LIN9: variants seen among roughly 807,000 people sequenced by gnomAD.
LIN9 encodes the protein lin-9 DREAM MuvB core complex component.
A neutral mutation model predicts 78.0 loss-of-function variants in LIN9; 18 were observed. That is an observed-to-expected ratio of 0.23 (90% CI 0.16 to 0.34). LIN9 has a LOEUF of 0.34. LIN9 is among the 10% of genes least tolerant of loss of function. The probability of loss-of-function intolerance (pLI) is 1.00; values close to 1 mark genes in which losing one functional copy is unlikely to be tolerated. For missense variants in LIN9, 451 were observed against 644.1 expected (o/e 0.70, Z 3.25); for synonymous variants, 192 against 215.2 (o/e 0.89, Z 0.94).
intron 10 of LIN9, among the ~76,000 whole-genome samples, chr1:226,263,445 A>AAG (rs1659718902): frequency 1.3e-5 from 2 of 152,182 alleles, no homozygotes; most frequent in African/African-American, 4.8e-5. Context: ...GGTCTAAAAA[A>AAG]ATAAAGTGTA....
At chr1:226,275,719 A>T (rs1339678897) in intron 7 of LIN9, among the ~76,000 whole-genome samples, 1 of 146,370 alleles carries the variant, frequency 6.8e-6, no homozygotes, top group Non-Finnish European at 1.5e-5. Context: ...AAAAGAAAAA[A>T]AGAAAAAATA....
chr1:226,306,031 G>A (rs1362307949), intron 1 of LIN9, among the ~76,000 whole-genome samples: 1 of 152,088 alleles, frequency 6.6e-6, no homozygotes, highest in Non-Finnish European at 1.5e-5. Context: ...GAAGTGAAAG[G>A]GAGGAAAGTG....
intron 12 of LIN9, among the ~76,000 whole-genome samples, chr1:226,237,022 G>C (rs1041205184): frequency 6.6e-6 from 1 of 152,178 alleles, no homozygotes; most frequent in African/African-American, 2.4e-5. Context: ...AAGTAGAATT[G>C]CTTAGTCATG....
chr1:226,298,995 T>A (rs956678110), intron 2 of LIN9, among the ~76,000 whole-genome samples: 1 of 152,142 alleles, frequency 6.6e-6, no homozygotes, highest in Admixed American at 6.6e-5. Context: ...TTCTATCGAA[T>A]AGACATATTA....
chr1:226,241,783 G>A (rs1325176093), intron 11 of LIN9, among the ~76,000 whole-genome samples: 2 of 151,992 alleles, frequency 1.3e-5, no homozygotes, highest in African/African-American at 2.4e-5. Context: ...GCATGAACCC[G>A]CGAGGTGGAG....
rs545862440 is a variant in LIN9 at position 226,261,341 on chromosome 1, C to T, written c.1038+4192G>A. On this transcript the variant is annotated intron_variant, in intron 10 of 14. Coordinates refer to ENST00000681046, the MANE Select transcript of LIN9 (RefSeq NM_001366245.2). ...GTAGAATTGGGAAGGAAAAAAACAACTATCTGTTTTAGGCGGGTGACATGA... is the reference window on the plus strand; with the variant it reads ...GTAGAATTGGGAAGGAAAAAAACAATTATCTGTTTTAGGCGGGTGACATGA... Among the ~76,000 whole-genome samples the T allele has an allele frequency of 9.9e-5, 15 of 151,672 alleles. No individual in the cohort carries two copies. In the South Asian group the frequency reaches 3.1e-3, roughly 32 times the overall value.
chr1:226,237,444 T>C (rs1488602281), intron 12 of LIN9, among the ~76,000 whole-genome samples: 1 of 149,670 alleles, frequency 6.7e-6, no homozygotes. Context: ...ACCAGCCTCA[T>C]CAACATGGAG....
chr1:226,245,726 T>C (rs1658435285), intron 11 of LIN9, among the ~76,000 whole-genome samples: 1 of 152,162 alleles, frequency 6.6e-6, no homozygotes, highest in African/African-American at 2.4e-5. Flanking sequence ...GCCTCCTGCG[T>C]AGCTGGGATT....
At chr1:226,240,425 G>A (rs142747813) in intron 11 of LIN9, among the ~76,000 whole-genome samples, 211 of 140,068 alleles carry the variant, frequency 1.5e-3, no homozygotes, top group African/African-American at 5.3e-3. Flanking sequence ...TTTCACTCCC[G>A]TCACCCAGGC....
At chr1:226,232,783 C>G (rs1657422801) in intron 14 of LIN9, 177 bp from the exon 15 acceptor site, 3 of 505,768 alleles carry the variant, frequency 5.9e-6, no homozygotes, top group Non-Finnish European at 6.9e-6. Flanking sequence ...CAAATATGCT[C>G]TAAAGAAGCA....
chr1:226,266,255 T>G lies in LIN9; in HGVS notation c.894A>C (p.Pro298=). The G allele has an allele frequency of 6.2e-7, 1 of 1,601,466 alleles. No individual in the cohort carries two copies. Among genetic ancestry groups the G allele is most frequent in the African/African-American group, 1.3e-5 (1 of 74,778 alleles). The change falls in exon 9 of 15, where the codon CCA becomes CCC. Residue 298 remains proline (P), a synonymous_variant. Transcript: ENST00000681046. ...KQRPSRFFMT[P]PRLHYTPPLQ... is the part of the protein sequence containing the mutation. The stretch of plus-strand genomic sequence containing the variant: ...GAGGAGGAGTATAATGTAACCGTGG[T>G]GGGGTCATAAAAAATCGAGAAGGCC...
intron 6 of LIN9, among the ~76,000 whole-genome samples, chr1:226,281,665 T>C (rs1024255436): frequency 6.6e-6 from 1 of 151,926 alleles, no homozygotes; most frequent in African/African-American, 2.4e-5. Context: ...ACCCATACTA[T>C]TTCCCTATAG....
intron 11 of LIN9, among the ~76,000 whole-genome samples, chr1:226,246,916 T>C (rs1658520565): frequency 6.6e-6 from 1 of 152,070 alleles, no homozygotes; most frequent in South Asian, 2.1e-4. Flanking sequence ...ACGCCTTTAG[T>C]CATTATCTTT....
chr1:226,233,766 T>C (rs912157137), intron 12 of LIN9, among the ~76,000 whole-genome samples: 17 of 152,370 alleles, frequency 1.1e-4, no homozygotes, highest in Non-Finnish European at 2.2e-4. Context: ...AAAGAACTCT[T>C]GATAACATTT....
Position 226,232,848 on chromosome 1 carries a change from C to T in LIN9, c.1524-242G>A, listed in dbSNP as rs963440430. On this transcript the variant is annotated intron_variant, in intron 14 of 14. Coordinates refer to ENST00000681046, the MANE Select transcript of LIN9 (RefSeq NM_001366245.2). Reference sequence around the variant, plus strand: ...ATGAGTCTCTCACTGACTGGGGAAGCTCTACCTCTAAGCTCAACCTCCATG... The same window carrying T: ...ATGAGTCTCTCACTGACTGGGGAAGTTCTACCTCTAAGCTCAACCTCCATG... 60 of 489,406 alleles carry T rather than the reference C, an allele frequency of 1.2e-4. No individual in the cohort carries two copies. The Middle Eastern group carries it at 1.6e-3, about 13-fold the overall frequency. The allele number at this position is 489,406 out of a possible 1,614,324, so 30.3% of individuals were successfully genotyped here.
intron 4 of LIN9, among the ~76,000 whole-genome samples, 175 bp from the exon 5 acceptor site, chr1:226,287,972 G>C (rs939313367): frequency 6.6e-6 from 1 of 150,504 alleles, no homozygotes; most frequent in African/African-American, 2.4e-5. Context: ...GATTATTTTT[G>C]ATTATTGCCT....
intron 14 of LIN9, 34 bp from the exon 15 acceptor site, chr1:226,232,640 T>G (rs1181806214): frequency 1.4e-6 from 2 of 1,384,676 alleles, no homozygotes; most frequent in Non-Finnish European, 2.0e-6. Flanking sequence ...AACTACTTTA[T>G]TTCAAAAAAT....
chr1:226,277,174 G>A (rs967434191), intron 7 of LIN9, among the ~76,000 whole-genome samples: 1 of 147,992 alleles, frequency 6.8e-6, no homozygotes, highest in African/African-American at 2.5e-5. Flanking sequence ...CAGCCTAGGT[G>A]CACTCCAGCC....
rs377675586 is a variant in LIN9, at chr1:226,239,101, G to C, written c.1120-5C>G. On this transcript the variant is annotated splice_region_variant and splice_polypyrimidine_tract_variant and intron_variant, in intron 11 of 14. Transcript: ENST00000681046. ...GATGGGCATGGAATATGATTTCTGA[G>C]AAGAGAAAAAAATCAGATCTTGGTA... 52 of 1,608,776 alleles carry C rather than the reference G, an allele frequency of 3.2e-5. No individual in the cohort carries two copies. The East Asian group carries it at 1.1e-3, about 35-fold the overall frequency.
Sources: allele counts gnomAD v4.1 joint callset (sites outside exome capture counted in the v4.1 genomes callset), GRCh38; gene constraint gnomAD v4.1.1; transcripts MANE v1.5; gene names NCBI Gene and HGNC (gene_info 2026-07-23, HGNC 2026-07-21).